DPP10: variants seen among roughly 807,000 people sequenced by gnomAD.
DPP10 encodes the protein dipeptidyl peptidase like 10, also known as inactive dipeptidyl peptidase 10.
DPP10 carries 33 observed loss-of-function variants against 120.9 expected under a neutral mutation model. That is an observed-to-expected ratio of 0.27 (90% CI 0.21 to 0.37). DPP10 has a LOEUF of 0.37. Among genes scored for constraint, DPP10 ranks in the 10% least tolerant of loss-of-function variants. DPP10 has a pLI of 1.00. For synonymous variants in DPP10, 337 were observed against 326.1 expected (o/e 1.03, Z -0.36); for missense variants, 816 against 942.8 (o/e 0.87, Z 1.76).
chr2:115,349,875 A>G (rs1301558605), intron 3 of DPP10, among the ~76,000 whole-genome samples: 1 of 152,056 alleles, frequency 6.6e-6, no homozygotes, highest in African/African-American at 2.4e-5. Context: ...AACTCCAAAG[A>G]CATCATTACC....
At chr2:114,613,565 C>T (rs1693444533) in intron 1 of DPP10, among the ~76,000 whole-genome samples, 2 of 152,112 alleles carry the variant, frequency 1.3e-5, no homozygotes, top group South Asian at 4.2e-4. Context: ...GGTGATTCCT[C>T]AAAGATCTAG....
chr2:115,179,977 A>G (rs1027996528), intron 1 of DPP10, among the ~76,000 whole-genome samples: 4 of 152,180 alleles, frequency 2.6e-5, no homozygotes, highest in Non-Finnish European at 4.4e-5. Flanking sequence ...TTAAAATCAA[A>G]TAACCTCTTT....
intron 1 of DPP10, among the ~76,000 whole-genome samples, chr2:114,850,454 G>A (rs529518035): frequency 6.6e-6 from 1 of 152,182 alleles, no homozygotes; most frequent in South Asian, 2.1e-4. Context: ...TTAAACTACT[G>A]CCAGTTATTT....
intron 3 of DPP10, among the ~76,000 whole-genome samples, chr2:115,423,010 C>T (rs1444229063): frequency 6.6e-6 from 1 of 151,734 alleles, no homozygotes; most frequent in Non-Finnish European, 1.5e-5. Flanking sequence ...TACTGTGAAC[C>T]ACAAATGTGA....
chr2:114,584,310 T>C (rs1160487693), intron 1 of DPP10, among the ~76,000 whole-genome samples: 1 of 152,202 alleles, frequency 6.6e-6, no homozygotes, highest in African/African-American at 2.4e-5. Flanking sequence ...TTAAATGTAG[T>C]GATCACTGAG....
At chr2:114,524,264 C>T (rs1685311445) in intron 1 of DPP10, among the ~76,000 whole-genome samples, 1 of 152,086 alleles carries the variant, frequency 6.6e-6, no homozygotes, top group Non-Finnish European at 1.5e-5. Context: ...TCAGGGAGGC[C>T]AGTGAGGGCT....
At chr2:114,538,031 A>G (rs1213813161) in intron 1 of DPP10, among the ~76,000 whole-genome samples, 2 of 152,246 alleles carry the variant, frequency 1.3e-5, no homozygotes, top group African/African-American at 4.8e-5. Context: ...TACCTTGACT[A>G]TCTTAGCCAG....
intron 1 of DPP10, among the ~76,000 whole-genome samples, chr2:115,023,069 C>A (rs984708796): frequency 6.6e-6 from 1 of 152,122 alleles, no homozygotes. Flanking sequence ...ATCGGAAAAA[C>A]CCTTGTAGAC....
chr2:115,573,169 T>C (rs2081436910), intron 5 of DPP10, among the ~76,000 whole-genome samples: 1 of 151,976 alleles, frequency 6.6e-6, no homozygotes, highest in African/African-American at 2.4e-5. Context: ...GAGCATGGTA[T>C]AGTCATGTTA....
At chr2:115,212,151 C>T (rs1227724027) in intron 1 of DPP10, among the ~76,000 whole-genome samples, 2 of 152,064 alleles carry the variant, frequency 1.3e-5, no homozygotes, top group Non-Finnish European at 2.9e-5. Flanking sequence ...TCTGTGTTAC[C>T]TTTAAACTAA....
At chr2:114,452,542 C>T (rs1045397214) in intron 1 of DPP10, among the ~76,000 whole-genome samples, 2 of 152,064 alleles carry the variant, frequency 1.3e-5, no homozygotes, top group African/African-American at 2.4e-5. Context: ...AATAGGCAAA[C>T]GTGAGCATTG....
chr2:114,463,159 C>T lies in DPP10; in HGVS notation c.60+20321C>T, dbSNP rs148626050. The stretch of plus-strand genomic sequence containing the variant: ...CTCTCAGTGGACAGAGCTAGGAAAT[C>T]TATATGTGCATACTAACCCATGTAT... On this transcript the variant is annotated intron_variant, in intron 1 of 25. Coordinates refer to ENST00000410059, the MANE Select transcript of DPP10 (RefSeq NM_020868.6). Among the ~76,000 whole-genome samples, 4 of 152,228 alleles carry T rather than the reference C, an allele frequency of 2.6e-5. No homozygotes were observed. The East Asian group carries it at 7.7e-4, about 29-fold the overall frequency.
intron 3 of DPP10, among the ~76,000 whole-genome samples, chr2:115,454,137 A>T (rs2073339485): frequency 6.6e-6 from 1 of 151,544 alleles, no homozygotes; most frequent in African/African-American, 2.4e-5. Flanking sequence ...ATTCTGTGAA[A>T]TATTTAAAGA....
At chr2:115,363,456 T>C (rs2064903573) in intron 3 of DPP10, among the ~76,000 whole-genome samples, 1 of 152,154 alleles carries the variant, frequency 6.6e-6, no homozygotes, top group Non-Finnish European at 1.5e-5. Context: ...GCTGTGTTGT[T>C]CTCTAAGGCC....
intron 1 of DPP10, among the ~76,000 whole-genome samples, chr2:115,190,461 A>G (rs1331047255): frequency 1.3e-5 from 2 of 152,048 alleles, no homozygotes; most frequent in Non-Finnish European, 2.9e-5. Flanking sequence ...CCGCAATACC[A>G]CCACACATCT....
At chr2:115,611,754 G>A (rs1358659616) in intron 5 of DPP10, among the ~76,000 whole-genome samples, 8 of 152,084 alleles carry the variant, frequency 5.3e-5, no homozygotes, top group Admixed American at 2.0e-4. Context: ...CAGAAGCTCT[G>A]TGTTAGCCTA....
At chr2:114,544,800 AT>A (rs1354097459) in intron 1 of DPP10, among the ~76,000 whole-genome samples, 1 of 152,128 alleles carries the variant, frequency 6.6e-6, no homozygotes, top group African/African-American at 2.4e-5. Flanking sequence ...TCATAGATTG[AT>A]TATTTTAATG....
intron 1 of DPP10, among the ~76,000 whole-genome samples, chr2:115,162,845 G>A (rs904493864): frequency 1.3e-5 from 2 of 152,134 alleles, no homozygotes; most frequent in African/African-American, 2.4e-5. Context: ...CCCTGATCTG[G>A]GGTGATTTGG....
At chr2:115,570,482 C>T (rs142095951) in intron 5 of DPP10, among the ~76,000 whole-genome samples, 3 of 152,308 alleles carry the variant, frequency 2.0e-5, no homozygotes, top group African/African-American at 7.2e-5. Context: ...CACTTCAGAT[C>T]GCCCAGAATC....
Sources: allele counts gnomAD v4.1 joint callset (sites outside exome capture counted in the v4.1 genomes callset), GRCh38; gene constraint gnomAD v4.1.1; transcripts MANE v1.5; gene names NCBI Gene and HGNC (gene_info 2026-07-23, HGNC 2026-07-21).